LTBR: variants seen among roughly 807,000 people sequenced by gnomAD.
The protein encoded by LTBR is lymphotoxin beta receptor, also known as tumor necrosis factor receptor superfamily member 3.
LTBR carries 15 observed loss-of-function variants against 45.4 expected under a neutral mutation model. That is an observed-to-expected ratio of 0.33 (90% CI 0.22 to 0.51). The LOEUF is 0.51. Among genes scored for constraint, LTBR ranks in the 20% least tolerant of loss-of-function variants. The pLI is 0.97. For synonymous variants in LTBR, 228 were observed against 231.0 expected (o/e 0.99, Z 0.12); for missense variants, 450 against 565.5 (o/e 0.80, Z 2.07).
In LTBR at chr12:6,390,107, T is replaced by G. The variant is rs1165219152; in HGVS notation, c.802-5T>G. On this transcript the variant is annotated splice_polypyrimidine_tract_variant and splice_region_variant and intron_variant, in intron 8 of 9. Coordinates refer to ENST00000228918, the MANE Select transcript of LTBR (RefSeq NM_002342.3). ...ATTGTTTGGGTCTCCATCTCTTTCC[T>G]GCAGGGAGAGGGACCCAATCCTGTA... 1 of 1,607,188 alleles carries G rather than the reference T, an allele frequency of 6.2e-7. No individual in the cohort carries two copies. The highest frequency in any genetic ancestry group is 8.5e-7 in the Non-Finnish European group (1 of 1,174,072).
Position 6,386,632 on chromosome 12 carries a change from C to A in LTBR, c.667+188C>A. On this transcript the variant is annotated intron_variant, in intron 6 of 9. Coordinates refer to ENST00000228918, the MANE Select transcript of LTBR (RefSeq NM_002342.3). This position sits in a 1 kb window ranked among gnomAD's most constrained non-coding sequence, Gnocchi z 4.1. ...ACACACACACACACACACACACACA[C>A]ACACTTTTAAAATTATATATACTGT... The A allele has an allele frequency of 1.7e-6, 1 of 588,158 alleles. No individual in the cohort carries two copies. The highest frequency in any genetic ancestry group is 3.1e-6 in the Non-Finnish European group (1 of 327,062). The allele number at this position is 588,158 out of a possible 1,614,324, so 36.4% of individuals were successfully genotyped here.
At chr12:6,390,428 AC>A (rs1004227070) in intron 9 of LTBR, 88 bp downstream of exon 9, 102 of 1,225,560 alleles carry the variant, frequency 8.3e-5, no homozygotes, top group Non-Finnish European at 1.1e-4. Context: ...AAATAAAAAG[AC>A]CAAAACAGAG....
At chr12:6,383,156 G>A (rs972025741), upstream of LTBR, among the ~76,000 whole-genome samples, 7 of 152,150 alleles carry the variant, frequency 4.6e-5, no homozygotes, top group Admixed American at 1.3e-4. Context: ...TGCAACCTAG[G>A]GCAGAGGTTG....
At chr12:6,383,667 C>T (rs995779269), upstream of LTBR, among the ~76,000 whole-genome samples, 1 of 152,170 alleles carries the variant, frequency 6.6e-6, no homozygotes, top group Non-Finnish European at 1.5e-5. Flanking sequence ...GGGGGGCTGG[C>T]TGATTTGCTA....
rs3075360 is a variant in LTBR, at chr12:6,386,604, TACACACACACACACAC to T, written c.667+177_667+192del. On this transcript the variant is annotated intron_variant, in intron 6 of 9. Coordinates refer to ENST00000228918, the MANE Select transcript of LTBR (RefSeq NM_002342.3). This position sits in a 1 kb window ranked among gnomAD's most constrained non-coding sequence, Gnocchi z 4.1. ...AAATTGGAGTATCTCTAGGCTAGTT[TACACACACACACACAC>T]ACACACACACACACACTTTTAAAAT... 2.0e-6 allele frequency: 1 copy of T among 508,850 alleles called. No individual in the cohort carries two copies. Among genetic ancestry groups the T allele is most frequent in the African/African-American group, 2.0e-5 (1 of 50,020 alleles). 31.5% of individuals were successfully genotyped at this position (508,850 alleles called of 1,614,324 possible). A position where few individuals can be genotyped will look rare whatever the true frequency, so the allele number is the denominator to read the frequency against.
chr12:6,384,817 C>T (rs921475229), intron 2 of LTBR, 133 bp downstream of exon 2: 1 of 1,038,276 alleles, frequency 9.6e-7, no homozygotes. Flanking sequence ...CGTGGGAAAC[C>T]CTGGACATCA....
chr12:6,378,087 A>C (rs1445937884), intron 1 of LTBR, among the ~76,000 whole-genome samples: 1 of 152,230 alleles, frequency 6.6e-6, no homozygotes, highest in African/African-American at 2.4e-5. Flanking sequence ...ATTTTTCAGC[A>C]ATACAGAAGT....
In LTBR at chr12:6,390,965, G is replaced by T; in HGVS notation, c.*28G>T. The T allele has an allele frequency of 6.6e-7, 1 of 1,504,142 alleles. No individual in the cohort carries two copies. The allele number at this position is 1,504,142 out of a possible 1,614,324, so 93.2% of individuals were successfully genotyped here. On this transcript the variant is annotated 3_prime_UTR_variant, in exon 10 of 10. Transcript: ENST00000228918. ...GAGTCTGAGAAAAGGCAGAAGAAGG[G>T]GGGCACAAGGGCACCTTCTCCCTTG...
At chr12:6,389,918 C>T (rs1460501849) in intron 8 of LTBR, 194 bp from the exon 9 acceptor site, 11 of 590,892 alleles carry the variant, frequency 1.9e-5, no homozygotes, top group Non-Finnish European at 2.7e-5. Context: ...GATTGCACCA[C>T]TGCACTGTAG....
upstream of LTBR, among the ~76,000 whole-genome samples, chr12:6,382,555 G>T (rs369517663): frequency 2.0e-5 from 3 of 152,210 alleles, no homozygotes; most frequent in Admixed American, 6.5e-5. Context: ...CAGCAGCCCC[G>T]CGCAGTGCAT....
chr12:6,375,736 C>G, intron 1 of LTBR: 1 of 1,417,566 alleles, frequency 7.1e-7, no homozygotes, highest in Admixed American at 3.0e-5. Context: ...CGCAGACAGG[C>G]AAGGAGGCTG....
rs1000813657 is a variant in LTBR at position 6,388,605 on chromosome 12, A to G, written c.775+100A>G. On this transcript the variant is annotated intron_variant, in intron 7 of 9. Coordinates refer to ENST00000228918, the MANE Select transcript of LTBR (RefSeq NM_002342.3). This position sits in a 1 kb window ranked among gnomAD's most constrained non-coding sequence, Gnocchi z 4.3. Reference sequence around the variant, plus strand: ...ACCCTCCACACCCTCAAGACTCCCAATGCCTACCCCCAACATAGACATCCT... The same window carrying G: ...ACCCTCCACACCCTCAAGACTCCCAGTGCCTACCCCCAACATAGACATCCT... 7.9e-6 allele frequency: 9 copies of G among 1,141,696 alleles called. No individual in the cohort carries two copies. The highest frequency in any genetic ancestry group is 3.6e-5 in the Admixed American group (2 of 55,042). 70.7% of individuals were successfully genotyped at this position (1,141,696 alleles called of 1,614,324 possible).
At chr12:6,376,919 G>C (rs1339616150) in intron 1 of LTBR, among the ~76,000 whole-genome samples, 5 of 152,198 alleles carry the variant, frequency 3.3e-5, no homozygotes. Flanking sequence ...AATAAGATAA[G>C]GTTTCTATTT....
At chr12:6,381,150 A>C (rs11831244), upstream of LTBR, among the ~76,000 whole-genome samples, 23,612 of 152,092 alleles carry the variant, frequency 0.16, 3,195 homozygotes, top group African/African-American at 0.34. Flanking sequence ...AGCTGAGAAG[A>C]CAATGGGAGG....
Position 6,388,878 on chromosome 12 carries a change from C to G in LTBR, c.801+53C>G, listed in dbSNP as rs550158962. On this transcript the variant is annotated intron_variant, in intron 8 of 9. Transcript: ENST00000228918. This position sits in a 1 kb window ranked among gnomAD's most constrained non-coding sequence, Gnocchi z 4.3. ...AGAAGGGGAAGAGGTGATGAGGGTA[C>G]AAGGTGGAGCAGACAGGAAGAGAGT... is the stretch of plus-strand genomic sequence containing the variant. The G allele has an allele frequency of 2.9e-5, 47 of 1,604,734 alleles. No individual in the cohort carries two copies. Among genetic ancestry groups the G allele is most frequent in the Non-Finnish European group, 3.9e-5 (46 of 1,172,140 alleles).
At chr12:6,385,978 T>A (rs1949040899) in intron 4 of LTBR, 88 bp from the exon 5 acceptor site, 2 of 810,876 alleles carry the variant, frequency 2.5e-6, no homozygotes, top group Non-Finnish European at 4.3e-6. Flanking sequence ...TGGATGGGCA[T>A]CCTGAGGCTT....
At chr12:6,384,060 C>T (rs1949009746), upstream of LTBR, 1 of 1,214,306 alleles carries the variant, frequency 8.2e-7, no homozygotes, top group South Asian at 4.0e-5. Context: ...TCCCGCCCCG[C>T]ATCGAGGCAG....
Position 6,390,238 on chromosome 12 carries a change from G to C in LTBR, c.928G>C (p.Ala310Pro). The C allele has an allele frequency of 1.2e-6, 2 of 1,614,034 alleles. No individual in the cohort carries two copies. Among genetic ancestry groups the C allele is most frequent in the Non-Finnish European group, 1.7e-6 (2 of 1,180,002 alleles). Residue 310 changes from alanine (A) to proline (P), a missense_variant, in exon 9 of 10, where the codon GCA becomes CCA. Coordinates refer to ENST00000228918, the MANE Select transcript of LTBR (RefSeq NM_002342.3). ...DVSPVSTGLPAAPVLEAGVPQ... is the reference protein window; with the variant it reads ...DVSPVSTGLPPAPVLEAGVPQ... ...TTCCCCAGTATCCACTGGGCTCCCC[G>C]CAGCCCCAGTTTTGGAGGCAGGGGT...
At chr12:6,380,950 C>A (rs181493598), upstream of LTBR, among the ~76,000 whole-genome samples, 1 of 152,130 alleles carries the variant, frequency 6.6e-6, no homozygotes, top group African/African-American at 2.4e-5. Context: ...ATGCCCTGCC[C>A]GCGGTGAACC....
Sources: allele counts gnomAD v4.1 joint callset (sites outside exome capture counted in the v4.1 genomes callset), GRCh38; gene constraint gnomAD v4.1.1; non-coding constraint Gnocchi (gnomAD v3.1); transcripts MANE v1.5; gene names NCBI Gene and HGNC (gene_info 2026-07-23, HGNC 2026-07-21).